SSTR3: variants seen among roughly 807,000 people sequenced by gnomAD.
SSTR3 encodes somatostatin receptor 3.
For missense variants in SSTR3, 504 were observed against 604.7 expected (o/e 0.83, Z 1.75); for synonymous variants, 281 against 269.2 (o/e 1.04, Z -0.43).
Position 37,207,700 on chromosome 22 carries a change from G to A in SSTR3, c.104C>T (p.Pro35Leu). The A allele has an allele frequency of 1.9e-6, 3 of 1,554,758 alleles. No homozygotes were observed. In the African/African-American group the frequency reaches 4.1e-5, roughly 21 times the overall value. Residue 35 changes from proline to leucine, a missense_variant, in exon 2 of 2, where the codon CCA becomes CTA. Physicochemically the swap from Pro to Leu is moderately conservative, Grantham distance 98. Transcript: ENST00000610913. ...DATLGNVSAGPSPAGLAVSGV... is the reference protein window; with the variant it reads ...DATLGNVSAGLSPAGLAVSGV... ...ACTGACGGCCAGCCCTGCCGGGCTT[G>A]GGCCCGCCGACACGTTGCCCAGGGT...
intron 1 of SSTR3, among the ~76,000 whole-genome samples, chr22:37,208,918 G>T (rs1424071150): frequency 6.6e-6 from 1 of 152,222 alleles, no homozygotes. Context: ...AAGGGGGAAT[G>T]TCAGGCCCCA....
chr22:37,207,623 C>A lies in SSTR3; in HGVS notation c.181G>T (p.Gly61Cys), dbSNP rs1004420444. The change falls in exon 2 of 2, where the codon GGT (glycine) becomes TGT (cysteine). Residue 61 changes from glycine to cysteine, a missense_variant. Coordinates refer to ENST00000610913, the MANE Select transcript of SSTR3 (RefSeq NM_001051.5). ...YLVVCVVGLLGNSLVIYVVLR... is the reference protein window; with the variant it reads ...YLVVCVVGLLCNSLVIYVVLR... Reference sequence around the variant, plus strand: ...ACCACATAGATGACCAGCGAGTTACCCAGCAGGCCCACCACGCACACCACC... The same window carrying A: ...ACCACATAGATGACCAGCGAGTTACACAGCAGGCCCACCACGCACACCACC... 1.2e-6 allele frequency: 2 copies of A among 1,603,342 alleles called. No homozygotes were observed. The highest frequency in any genetic ancestry group is 3.4e-5 in the Admixed American group (2 of 59,626).
rs181143862 is a variant in SSTR3 at position 37,210,075 on chromosome 22, C to T, written c.-37+1750G>A. On this transcript the variant is annotated intron_variant, in intron 1 of 1. Coordinates refer to ENST00000610913, the MANE Select transcript of SSTR3 (RefSeq NM_001051.5). ...AGAGTCCTGCCTCCCTGGTAGGGGA[C>T]CCGCGTCACCATCCACCTTGCTGCC... 1.5e-3 allele frequency among the ~76,000 whole-genome samples: 225 copies of T among 152,298 alleles called. 2 individuals carry two copies. The highest frequency in any genetic ancestry group is 5.0e-3 in the African/African-American group (206 of 41,564).
At chr22:37,214,848 G>A (rs6000610), upstream of SSTR3, among the ~76,000 whole-genome samples, 3,568 of 152,142 alleles carry the variant, frequency 0.023, 156 homozygotes, top group African/African-American at 0.083. Context: ...CTGCGCTTCC[G>A]CCACTCGGCC....
At position 37,206,101 on chromosome 22, in the gene SSTR3, T is replaced by G; in HGVS notation, c.*446A>C. On this transcript the variant is annotated 3_prime_UTR_variant, in exon 2 of 2. Transcript: ENST00000610913. ...CCCACTCCTCCCACCGGGTTAGGCT[T>G]TCTTCTGTTTAGGTTTCCAGCCCAG... 2 of 158,294 alleles carry G rather than the reference T, an allele frequency of 1.3e-5. No homozygotes were observed. The highest frequency in any genetic ancestry group is 2.0e-4 in the South Asian group (1 of 5,092). The allele number at this position is 158,294 out of a possible 1,614,324, so 9.8% of individuals were successfully genotyped here.
Position 37,207,708 on chromosome 22 carries a change from C to A in SSTR3, c.96G>T (p.Ser32=). The A allele has an allele frequency of 6.5e-7, 1 of 1,544,246 alleles. No individual in the cohort carries two copies. The highest frequency in any genetic ancestry group is 2.3e-5 in the East Asian group (1 of 44,014). The change falls in exon 2 of 2, where the codon TCG becomes TCT. Residue 32 remains serine, a synonymous_variant. Coordinates refer to ENST00000610913, the MANE Select transcript of SSTR3 (RefSeq NM_001051.5). ...WPPDATLGNV[S]AGPSPAGLAV... is the part of the protein sequence containing the mutation. ...CCAGCCCTGCCGGGCTTGGGCCCGC[C>A]GACACGTTGCCCAGGGTGGCATCTG...
Position 37,206,733 on chromosome 22 carries a change from ATCC to A in SSTR3, c.1068_1070del (p.Glu356del), listed in dbSNP as rs769107355. 9.4e-6 allele frequency: 15 copies of A among 1,597,506 alleles called. No individual in the cohort carries two copies. The highest frequency in any genetic ancestry group is 3.4e-5 in the Admixed American group (2 of 59,548). Reference sequence around the variant, plus strand: ...TGCCCCCCTCCCTGCTCTCCTCCCCATCCTCCTCCTCCTCATCCTCCTCCTCAG... The same window carrying A: ...TGCCCCCCTCCCTGCTCTCCTCCCCATCCTCCTCCTCATCCTCCTCCTCAG... On this transcript the variant is annotated inframe_deletion, in exon 2 of 2. Coordinates refer to ENST00000610913, the MANE Select transcript of SSTR3 (RefSeq NM_001051.5).
chr22:37,210,301 C>T (rs1161756728), intron 1 of SSTR3, among the ~76,000 whole-genome samples: 1 of 152,180 alleles, frequency 6.6e-6, no homozygotes, highest in African/African-American at 2.4e-5. Flanking sequence ...CACGCCTGCC[C>T]AGCACATGTC....
chr22:37,217,261 G>A (rs1219769784), upstream of SSTR3, among the ~76,000 whole-genome samples: 2 of 152,084 alleles, frequency 1.3e-5, no homozygotes, highest in Non-Finnish European at 2.9e-5. Flanking sequence ...GGCGTCTGTC[G>A]GTGTCTCCAG....
chr22:37,215,119 C>T (rs188426797), upstream of SSTR3, among the ~76,000 whole-genome samples: 290 of 152,330 alleles, frequency 1.9e-3, 2 homozygotes, highest in Middle Eastern at 0.02. Context: ...GAATAGTCCC[C>T]GCTTTATGCC....
chr22:37,211,826 T>C lies in SSTR3; in HGVS notation c.-38A>G. 2 of 985,648 alleles carry C rather than the reference T, an allele frequency of 2.0e-6. No individual in the cohort carries two copies. Among genetic ancestry groups the C allele is most frequent in the African/African-American group, 3.5e-5 (2 of 57,348 alleles). The allele number at this position is 985,648 out of a possible 1,614,324, so 61.1% of individuals were successfully genotyped here. ...TCATCCGGGCCCCAGCCTCCTTACCTGCCCATGGGGTGAGGGCTTCCCTCC... is the reference window on the plus strand; with the variant it reads ...TCATCCGGGCCCCAGCCTCCTTACCCGCCCATGGGGTGAGGGCTTCCCTCC... On this transcript the variant is annotated splice_region_variant and 5_prime_UTR_variant, in exon 1 of 2. Transcript: ENST00000610913.
the SSTR3 span, among the ~76,000 whole-genome samples, chr22:37,220,351 C>A: frequency 2.0e-5 from 3 of 151,994 alleles, no homozygotes; most frequent in African/African-American, 7.3e-5. Flanking sequence ...TAAAGACATA[C>A]CCCCAGCCTG....
chr22:37,215,297 G>A (rs896375238), upstream of SSTR3, among the ~76,000 whole-genome samples: 1 of 152,106 alleles, frequency 6.6e-6, no homozygotes, highest in Non-Finnish European at 1.5e-5. Flanking sequence ...GGCCAAGCTA[G>A]CCTCAAACTC....
chr22:37,209,146 T>C (rs1164468346), intron 1 of SSTR3, among the ~76,000 whole-genome samples: 2 of 152,236 alleles, frequency 1.3e-5, no homozygotes, highest in Non-Finnish European at 2.9e-5. Flanking sequence ...ACACTGGGCC[T>C]GCACTTCCTC....
chr22:37,206,773 G>T lies in SSTR3; in HGVS notation c.1031C>A (p.Pro344His), dbSNP rs1326983067. Residue 344 changes from proline to histidine, a missense_variant, in exon 2 of 2, where the codon CCC (proline) becomes CAC (histidine). Transcript: ENST00000610913. ...ATCCTCCTCCTCAGTCTTCTCCGGG[G>T]GCCCCACAGTGGGCTCCTGGCTGCG... ...RVRSQEPTVG[P>H]PEKTEEEDEE... is the part of the protein sequence containing the mutation. The T allele has an allele frequency of 3.7e-6, 6 of 1,610,678 alleles. No individual in the cohort carries two copies. The highest frequency in any genetic ancestry group is 4.2e-6 in the Non-Finnish European group (5 of 1,179,740).
upstream of SSTR3, among the ~76,000 whole-genome samples, chr22:37,214,822 T>A (rs564064778): frequency 6.6e-6 from 1 of 152,286 alleles, no homozygotes; most frequent in East Asian, 1.9e-4. Context: ...AGGGACCCCA[T>A]GTAACGAGCC....
In SSTR3 at chr22:37,212,201, G is replaced by T; in HGVS notation, c.-413C>A. The T allele has an allele frequency of 1.0e-6, 1 of 967,240 alleles. No individual in the cohort carries two copies. Among genetic ancestry groups the T allele is most frequent in the Non-Finnish European group, 1.2e-6 (1 of 815,964 alleles). 59.9% of individuals were successfully genotyped at this position (967,240 alleles called of 1,614,324 possible). ...TAGAGGGGAAAGGGGGTCGGGAGGA[G>T]GTGGAGAAAGAGAGAGAGAGAGAAA... is the stretch of plus-strand genomic sequence containing the variant. On this transcript the variant is annotated 5_prime_UTR_variant, in exon 1 of 2. Coordinates refer to ENST00000610913, the MANE Select transcript of SSTR3 (RefSeq NM_001051.5).
rs1569079726 is a variant in SSTR3 at position 37,207,606 on chromosome 22, G to A, written c.198C>T (p.Ile66=). Reference sequence around the variant, plus strand: ...TGGCCGTGTGCCGCAGGACCACATAGATGACCAGCGAGTTACCCAGCAGGC... The same window carrying A: ...TGGCCGTGTGCCGCAGGACCACATAAATGACCAGCGAGTTACCCAGCAGGC... ...VVGLLGNSLV[I]YVVLRHTASP... Residue 66 remains isoleucine, a synonymous_variant, in exon 2 of 2, where the codon ATC becomes ATT. Coordinates refer to ENST00000610913, the MANE Select transcript of SSTR3 (RefSeq NM_001051.5). 5 of 1,608,078 alleles carry A rather than the reference G, an allele frequency of 3.1e-6. No homozygotes were observed. The highest frequency in any genetic ancestry group is 4.3e-6 in the Non-Finnish European group (5 of 1,175,554).
chr22:37,218,098 G>A, the SSTR3 span, among the ~76,000 whole-genome samples: 1 of 152,190 alleles, frequency 6.6e-6, no homozygotes, highest in Non-Finnish European at 1.5e-5. Flanking sequence ...GGCAATGATG[G>A]TTTTGTCAAA....
Sources: allele counts gnomAD v4.1 joint callset (sites outside exome capture counted in the v4.1 genomes callset), GRCh38; gene constraint gnomAD v4.1.1; transcripts MANE v1.5; gene names NCBI Gene and HGNC (gene_info 2026-07-23, HGNC 2026-07-21).